The following KCNN2 variants were observed in gnomAD, a reference collection of about 807,000 sequenced individuals.
KCNN2 encodes small conductance calcium-activated potassium channel protein 2.
A neutral mutation model predicts 55.5 loss-of-function variants in KCNN2; 24 were observed. The ratio of observed to expected loss-of-function variants is 0.43; its 90% CI spans 0.31 to 0.61. The LOEUF is 0.61. Among genes scored for constraint, KCNN2 ranks in the 20% least tolerant of loss-of-function variants. KCNN2 has a pLI of 0.08. For synonymous variants in KCNN2, 431 were observed against 336.1 expected (o/e 1.28, Z -3.09); for missense variants, 754 against 853.6 (o/e 0.88, Z 1.45).
chr5:114,169,751 C>A (rs13187726), intron 1 of KCNN2, among the ~76,000 whole-genome samples: 16,775 of 151,946 alleles, frequency 0.11, 1,115 homozygotes, highest in Middle Eastern at 0.24. Flanking sequence ...TTTGTTTTTC[C>A]CCTATTCTGG....
chr5:114,265,770 T>C (rs1210969869), intron 2 of KCNN2, among the ~76,000 whole-genome samples: 7 of 152,218 alleles, frequency 4.6e-5, no homozygotes, highest in Admixed American at 2.0e-4. Flanking sequence ...CCCAGTCATA[T>C]TGACATGTAA....
chr5:114,231,701 T>C (rs1014057811), intron 2 of KCNN2, among the ~76,000 whole-genome samples: 1 of 151,236 alleles, frequency 6.6e-6, no homozygotes, highest in Admixed American at 6.6e-5. Context: ...ATGAAAACTA[T>C]GACAGCCAAT....
At chr5:114,475,573 T>C (rs530506910) in intron 5 of KCNN2, among the ~76,000 whole-genome samples, 76 of 151,940 alleles carry the variant, frequency 5.0e-4, no homozygotes, top group Non-Finnish European at 8.1e-4. Context: ...ATGGTTGTCA[T>C]GCTATGTTAA....
At chr5:114,285,031 C>T (rs1432591263) in intron 2 of KCNN2, among the ~76,000 whole-genome samples, 1 of 151,228 alleles carries the variant, frequency 6.6e-6, no homozygotes, top group African/African-American at 2.4e-5. Flanking sequence ...GCCTGTAATC[C>T]CAGGACTTTG....
chr5:114,474,108 A>C (rs145644622), intron 5 of KCNN2, among the ~76,000 whole-genome samples: 2,152 of 152,298 alleles, frequency 0.014, 49 homozygotes, highest in African/African-American at 0.048. Flanking sequence ...TAAATGAATC[A>C]ATAGATATTT....
At chr5:114,148,361 C>T (rs1372825519) in intron 1 of KCNN2, among the ~76,000 whole-genome samples, 2 of 152,128 alleles carry the variant, frequency 1.3e-5, no homozygotes, top group African/African-American at 4.8e-5. Context: ...CAAACACAGA[C>T]GAGTTCCATG....
intron 1 of KCNN2, among the ~76,000 whole-genome samples, chr5:114,189,803 A>G (rs1753413987): frequency 6.6e-6 from 1 of 152,166 alleles, no homozygotes. Flanking sequence ...GCACACATAC[A>G]TGGGATCTTG....
chr5:114,235,539 A>G (rs577112551), intron 2 of KCNN2, among the ~76,000 whole-genome samples: 4 of 152,366 alleles, frequency 2.6e-5, no homozygotes, highest in African/African-American at 7.2e-5. Flanking sequence ...ACCTATTTGT[A>G]TAGTTTAGAA....
intron 4 of KCNN2, among the ~76,000 whole-genome samples, chr5:114,464,710 G>A (rs1447136976): frequency 3.9e-5 from 6 of 151,972 alleles, no homozygotes; most frequent in African/African-American, 1.5e-4. Flanking sequence ...TAACAAGATG[G>A]CCATTTCAAG....
chr5:114,146,339 A>G (rs1429384696), intron 1 of KCNN2, among the ~76,000 whole-genome samples: 2 of 152,156 alleles, frequency 1.3e-5, no homozygotes, highest in African/African-American at 4.8e-5. Context: ...ACTTCTTTCT[A>G]CAATAGCTTG....
At chr5:114,414,512 C>T (rs542606537) in intron 3 of KCNN2, among the ~76,000 whole-genome samples, 34 of 152,162 alleles carry the variant, frequency 2.2e-4, no homozygotes, top group African/African-American at 7.0e-4. Flanking sequence ...TGAGGCTCTG[C>T]GGAGAGGGGC....
intron 3 of KCNN2, among the ~76,000 whole-genome samples, chr5:114,428,309 G>T (rs1759687438): frequency 6.6e-6 from 1 of 152,034 alleles, no homozygotes; most frequent in South Asian, 2.1e-4. Flanking sequence ...TCCCTTAAAG[G>T]GAAAAGTATT....
At chr5:114,136,260 C>T (rs773606184) in intron 1 of KCNN2, among the ~76,000 whole-genome samples, 4 of 152,066 alleles carry the variant, frequency 2.6e-5, no homozygotes, top group Non-Finnish European at 5.9e-5. Flanking sequence ...AGTGGGGTTG[C>T]TATATCTTGA....
chr5:114,274,115 G>A (rs530738310), intron 2 of KCNN2, among the ~76,000 whole-genome samples: 1 of 152,298 alleles, frequency 6.6e-6, no homozygotes, highest in African/African-American at 2.4e-5. Flanking sequence ...CCCATTGCTT[G>A]TGTGTGTTAG....
At chr5:114,296,137 A>G (rs1236845499) in intron 2 of KCNN2, among the ~76,000 whole-genome samples, 1 of 152,190 alleles carries the variant, frequency 6.6e-6, no homozygotes, top group Non-Finnish European at 1.5e-5. Context: ...CTCTTGTTTA[A>G]TGATTTGTCC....
chr5:114,121,465 G>A (rs1751828940), intron 1 of KCNN2, among the ~76,000 whole-genome samples: 1 of 152,158 alleles, frequency 6.6e-6, no homozygotes, highest in Non-Finnish European at 1.5e-5. Context: ...CCTGAGCCAT[G>A]TATACGGACC....
intron 3 of KCNN2, among the ~76,000 whole-genome samples, chr5:114,446,516 G>T (rs141788937): frequency 6.6e-6 from 1 of 152,110 alleles, no homozygotes; most frequent in African/African-American, 2.4e-5. Flanking sequence ...GGAGTGCAGC[G>T]GTGTGATCTC....
chr5:114,101,646 C>T (rs1484017218), intron 1 of KCNN2, among the ~76,000 whole-genome samples: 1 of 151,688 alleles, frequency 6.6e-6, no homozygotes, highest in Admixed American at 6.6e-5. Context: ...CAAATGGTCT[C>T]ATTGTTCAAC....
rs551439925 is a variant in KCNN2 at position 114,097,333 on chromosome 5, AG to A, written c.-271+40834del. On this transcript the variant is annotated intron_variant, in intron 1 of 10. Transcript: ENST00000512097. ...ACCCTCTGATCTGCAAGTTAGTTCC[AG>A]CATTTAAAAGGATAAAGACTGTTGT... Among the ~76,000 whole-genome samples the A allele has an allele frequency of 3.0e-4, 45 of 152,306 alleles. No homozygotes were observed. In the East Asian group the frequency reaches 8.7e-3, roughly 29 times the overall value.
Sources: gnomAD v4.1 joint callset for allele counts (sites outside exome capture counted in the v4.1 genomes callset) on GRCh38, gnomAD v4.1.1 for gene constraint, MANE v1.5 for transcripts, NCBI Gene and HGNC (gene_info 2026-07-23, HGNC 2026-07-21) for gene names.